The following CNTNAP5 variants were observed in gnomAD, a reference collection of about 807,000 sequenced individuals.
CNTNAP5 encodes contactin-associated protein-like 5.
CNTNAP5 carries 72 observed loss-of-function variants against 150.2 expected under a neutral mutation model. That is an observed-to-expected ratio of 0.48 (90% confidence interval 0.40 to 0.58). The LOEUF (loss-of-function observed/expected upper bound fraction) is 0.58, where lower values mean the gene tolerates loss of function less well. CNTNAP5 is among the 20% of genes least tolerant of loss of function. The probability of loss-of-function intolerance (pLI) is 0.00; values close to 1 mark genes in which losing one functional copy is unlikely to be tolerated. For missense variants in CNTNAP5, 1,636 were observed against 1,626.2 expected (o/e 1.01, Z -0.10); for synonymous variants, 672 against 619.8 (o/e 1.08, Z -1.25).
intron 18 of CNTNAP5, among the ~76,000 whole-genome samples, chr2:124,796,354 A>G (rs1296778264): frequency 3.9e-5 from 6 of 152,154 alleles, no homozygotes; most frequent in Admixed American, 2.0e-4. Context: ...AAAGTCCTTT[A>G]TTTTGTTAAC....
intron 3 of CNTNAP5, among the ~76,000 whole-genome samples, chr2:124,385,632 T>C (rs1690907750): frequency 6.6e-6 from 1 of 152,350 alleles, no homozygotes; most frequent in South Asian, 2.1e-4. Flanking sequence ...TAAATGAATC[T>C]GCTTTTACAG....
At chr2:124,528,726 T>C (rs1695035155) in intron 10 of CNTNAP5, among the ~76,000 whole-genome samples, 1 of 151,922 alleles carries the variant, frequency 6.6e-6, no homozygotes, top group Non-Finnish European at 1.5e-5. Context: ...TGTGTACCAG[T>C]GGGATTTGGT....
chr2:124,420,913 G>A (rs1488665779), intron 4 of CNTNAP5, among the ~76,000 whole-genome samples: 2 of 152,134 alleles, frequency 1.3e-5, no homozygotes, highest in African/African-American at 2.4e-5. Context: ...GAATGTTCTA[G>A]AGAAACTACT....
At chr2:124,061,372 A>G (rs1682006249) in intron 1 of CNTNAP5, among the ~76,000 whole-genome samples, 1 of 152,172 alleles carries the variant, frequency 6.6e-6, no homozygotes, top group South Asian at 2.1e-4. Context: ...AATTTATATT[A>G]GATGTCTGAC....
intron 3 of CNTNAP5, among the ~76,000 whole-genome samples, chr2:124,410,386 A>T (rs924489725): frequency 6.6e-6 from 1 of 151,810 alleles, no homozygotes; most frequent in African/African-American, 2.4e-5. Flanking sequence ...GACCTAATAG[A>T]CATGTACAGA....
At chr2:124,250,783 C>T (rs1444329082) in intron 3 of CNTNAP5, among the ~76,000 whole-genome samples, 1 of 150,782 alleles carries the variant, frequency 6.6e-6, no homozygotes, top group Non-Finnish European at 1.5e-5. Context: ...ATCAACAAAA[C>T]CAAGAATCTC....
chr2:124,251,523 C>G (rs987396329), intron 3 of CNTNAP5, among the ~76,000 whole-genome samples: 1 of 151,600 alleles, frequency 6.6e-6, no homozygotes, highest in African/African-American at 2.4e-5. Context: ...AAAAATCTCC[C>G]CAAAGAATCA....
intron 13 of CNTNAP5, among the ~76,000 whole-genome samples, chr2:124,655,677 G>A (rs900339698): frequency 6.6e-6 from 1 of 151,742 alleles, no homozygotes; most frequent in Non-Finnish European, 1.5e-5. Flanking sequence ...GTGGGAGGAT[G>A]GCTTGAGAAC....
At chr2:124,401,027 A>G (rs1173041325) in intron 3 of CNTNAP5, among the ~76,000 whole-genome samples, 1 of 152,014 alleles carries the variant, frequency 6.6e-6, no homozygotes, top group African/African-American at 2.4e-5. Flanking sequence ...ACGTGCCACC[A>G]CGCTAATTTT....
At chr2:124,821,655 T>A (rs1682494261) in intron 19 of CNTNAP5, among the ~76,000 whole-genome samples, 1 of 152,070 alleles carries the variant, frequency 6.6e-6, no homozygotes, top group Non-Finnish European at 1.5e-5. Context: ...AGTGAATTGG[T>A]TCTGTAACTT....
chr2:124,400,975 G>A lies in CNTNAP5; in HGVS notation c.382-16468G>A, dbSNP rs192584127. ...CAACCTCCGCCTCCCGGGTTCAAGC[G>A]ATTCTCCTGCCTCAGCCTCCTGAGT... is the stretch of plus-strand genomic sequence containing the variant. On this transcript the variant is annotated intron_variant, in intron 3 of 23. Coordinates refer to ENST00000682447, the MANE Select transcript of CNTNAP5 (RefSeq NM_001367498.1). 3.9e-3 allele frequency among the ~76,000 whole-genome samples: 596 copies of A among 152,132 alleles called. 4 individuals carry two copies. Among genetic ancestry groups the A allele is most frequent in the African/African-American group, 0.013 (547 of 41,500 alleles).
chr2:124,591,309 C>T (rs562953132), intron 11 of CNTNAP5, among the ~76,000 whole-genome samples: 1 of 152,214 alleles, frequency 6.6e-6, no homozygotes, highest in South Asian at 2.1e-4. Flanking sequence ...TAATTTAGAG[C>T]TTGTGTAAGA....
chr2:124,215,441 T>C (rs1686131234), intron 1 of CNTNAP5, among the ~76,000 whole-genome samples: 1 of 150,586 alleles, frequency 6.6e-6, no homozygotes, highest in African/African-American at 2.4e-5. Context: ...TGGAATTCTC[T>C]GTTGTGCCTT....
At position 124,371,734 on chromosome 2, in the gene CNTNAP5, C is replaced by A. The variant is rs537565806; in HGVS notation, c.382-45709C>A. ...AGATACAGGAAATCATACATGTAAT[C>A]TTAACATACTATACATAAATTCTTA... On this transcript the variant is annotated intron_variant, in intron 3 of 23. Transcript: ENST00000682447. 2.8e-3 allele frequency among the ~76,000 whole-genome samples: 432 copies of A among 152,136 alleles called. 4 individuals carry two copies. The East Asian group carries it at 0.034, about 12-fold the overall frequency.
intron 19 of CNTNAP5, among the ~76,000 whole-genome samples, chr2:124,860,298 C>T (rs1234423342): frequency 6.6e-6 from 1 of 151,596 alleles, no homozygotes; most frequent in Non-Finnish European, 1.5e-5. Flanking sequence ...TGCAGTGAGC[C>T]GAGATAGTGC....
At chr2:124,881,720 C>T (rs1272455147) in intron 21 of CNTNAP5, among the ~76,000 whole-genome samples, 3 of 152,038 alleles carry the variant, frequency 2.0e-5, no homozygotes, top group African/African-American at 7.2e-5. Flanking sequence ...GAATTTTTTA[C>T]CATTGCCTGA....
intron 13 of CNTNAP5, among the ~76,000 whole-genome samples, chr2:124,693,246 C>G (rs562300409): frequency 2.0e-5 from 3 of 152,146 alleles, no homozygotes; most frequent in East Asian, 3.9e-4. Flanking sequence ...GAATAAATGC[C>G]TTTTTGTTAT....
At chr2:124,552,472 T>C (rs1251690465) in intron 10 of CNTNAP5, among the ~76,000 whole-genome samples, 1 of 152,166 alleles carries the variant, frequency 6.6e-6, no homozygotes, top group Admixed American at 6.5e-5. Context: ...CTGAACATCT[T>C]CTTTTGTCCA....
intron 1 of CNTNAP5, among the ~76,000 whole-genome samples, chr2:124,047,349 C>T (rs760333635): frequency 3.0e-4 from 46 of 152,230 alleles, no homozygotes; most frequent in Non-Finnish European, 1.3e-4. Flanking sequence ...CCTTATTTTA[C>T]AGAGGAGAAA....
Sources: gnomAD v4.1 joint callset for allele counts (sites outside exome capture counted in the v4.1 genomes callset) on GRCh38, gnomAD v4.1.1 for gene constraint, MANE v1.5 for transcripts, NCBI Gene and HGNC (gene_info 2026-07-23, HGNC 2026-07-21) for gene names.